The following METTL21A variants were observed in gnomAD, a reference collection of about 807,000 sequenced individuals.
METTL21A encodes protein N-lysine methyltransferase METTL21A.
A neutral mutation model predicts 20.9 loss-of-function variants in METTL21A; 22 were observed. The observed-to-expected ratio is 1.05, with a 90% CI of 0.75 to 1.50. The LOEUF is 1.50. Among genes scored for constraint, METTL21A ranks in the 40% most tolerant of loss-of-function variants. METTL21A has a pLI of 0.00. For synonymous variants in METTL21A, 93 were observed against 102.0 expected (o/e 0.91, Z 0.53); for missense variants, 271 against 266.8 (o/e 1.02, Z -0.11).
exon 4 of METTL21A, chr2:207,613,181 T>G: frequency 6.2e-7 from 1 of 1,614,076 alleles, no homozygotes; most frequent in Non-Finnish European, 8.5e-7. Context: ...CATAGCGAAT[T>G]CGGCATGCTA....
At chr2:207,609,073 G>A (rs2088561020), downstream of METTL21A, 1 of 152,170 alleles carries the variant, frequency 6.6e-6, no homozygotes. Context: ...CATTTCATGT[G>A]TATTAGAATT....
intron 3 of METTL21A, chr2:207,603,254 G>T (rs2087420309): frequency 4.5e-6 from 1 of 220,826 alleles, no homozygotes. Flanking sequence ...GTACATAATA[G>T]CTGCTTTGTG....
intron 3 of METTL21A, chr2:207,602,919 C>A: frequency 4.6e-6 from 1 of 216,112 alleles, no homozygotes; most frequent in Non-Finnish European, 9.3e-6. Context: ...TTATTTCTAA[C>A]CCAGATGTAT....
intron 3 of METTL21A, among the ~76,000 whole-genome samples, chr2:207,593,250 G>A (rs2085430611): frequency 6.6e-6 from 1 of 152,174 alleles, no homozygotes; most frequent in Non-Finnish European, 1.5e-5. Flanking sequence ...TCAAGGCTGG[G>A]TGCGGTGGCT....
intron 3 of METTL21A, chr2:207,598,170 G>C (rs368510478): frequency 5.5e-6 from 1 of 180,776 alleles, no homozygotes. Context: ...TTTTTTAAAT[G>C]AAAGAAGTTG....
intron 3 of METTL21A, among the ~76,000 whole-genome samples, chr2:207,588,728 G>T (rs1311459003): frequency 2.2e-5 from 3 of 134,870 alleles, no homozygotes; most frequent in African/African-American, 8.6e-5. Flanking sequence ...CTGTTTTCTG[G>T]TTTTTTTTTT....
intron 3 of METTL21A, among the ~76,000 whole-genome samples, chr2:207,583,374 TTCTC>T (rs1284598481): frequency 6.6e-6 from 1 of 152,328 alleles, no homozygotes; most frequent in Admixed American, 6.5e-5. Context: ...TGTAACTTCT[TTCTC>T]CGACAGAAAC....
At chr2:207,588,876 C>A (rs932123477) in intron 3 of METTL21A, among the ~76,000 whole-genome samples, 1 of 140,094 alleles carries the variant, frequency 7.1e-6, no homozygotes, top group Admixed American at 7.4e-5. Flanking sequence ...CTTATTAGTT[C>A]TAGGAGCTTT....
chr2:207,591,301 T>C (rs2084978788), intron 3 of METTL21A, among the ~76,000 whole-genome samples: 1 of 152,254 alleles, frequency 6.6e-6, no homozygotes, highest in Admixed American at 6.5e-5. Flanking sequence ...ATCTTCCATT[T>C]AGAATTATGT....
intron 3 of METTL21A, chr2:207,602,986 CT>C: frequency 4.7e-6 from 1 of 214,180 alleles, no homozygotes; most frequent in East Asian, 6.9e-5. Context: ...AGGTGTTTGG[CT>C]TTTTGGTTTT....
chr2:207,604,741 C>T (rs926224381), downstream of METTL21A, among the ~76,000 whole-genome samples: 3 of 152,200 alleles, frequency 2.0e-5, no homozygotes, highest in African/African-American at 7.2e-5. Context: ...TCTCCATTTT[C>T]TCCTCCCACC....
chr2:207,594,454 C>T (rs563406398), intron 3 of METTL21A, among the ~76,000 whole-genome samples: 1 of 152,234 alleles, frequency 6.6e-6, no homozygotes, highest in African/African-American at 2.4e-5. Flanking sequence ...CTTTAGATGC[C>T]TCATAAGAGA....
chr2:207,588,719 T>C (rs2084351414), intron 3 of METTL21A, among the ~76,000 whole-genome samples: 1 of 89,434 alleles, frequency 1.1e-5, no homozygotes, highest in Non-Finnish European at 2.4e-5. Flanking sequence ...AAGTATGAAC[T>C]GTTTTCTGGT....
At chr2:207,582,084 G>A in exon 4 of METTL21A, 1 of 702,460 alleles carries the variant, frequency 1.4e-6, no homozygotes, top group Non-Finnish European at 2.6e-6. Flanking sequence ...GTGCTGTCCA[G>A]GTGTCTCCAC....
exon 4 of METTL21A, chr2:207,613,305 G>C (rs1165625226): frequency 2.5e-6 from 4 of 1,614,092 alleles, no homozygotes; most frequent in Admixed American, 1.7e-5. Context: ...TTCTCCAGGA[G>C]AAAAACTCCC....
chr2:207,587,318 G>A (rs1362880449), intron 3 of METTL21A, among the ~76,000 whole-genome samples: 5 of 151,614 alleles, frequency 3.3e-5, no homozygotes, highest in South Asian at 2.1e-4. Context: ...GCGTGAACCC[G>A]GAAGGCAGAG....
chr2:207,619,574 GGTGT>G (rs2090223002), intron 3 of METTL21A, among the ~76,000 whole-genome samples: 1 of 152,054 alleles, frequency 6.6e-6, no homozygotes, highest in Non-Finnish European at 1.5e-5. Flanking sequence ...CATTTGTATA[GGTGT>G]GTGTATACGG....
intron 3 of METTL21A, chr2:207,597,481 A>C (rs1014218989): frequency 4.5e-6 from 1 of 224,500 alleles, no homozygotes; most frequent in Non-Finnish European, 8.9e-6. Flanking sequence ...CCGCATGCAT[A>C]AAGTAAGTAA....
chr2:207,590,597 C>T (rs1279900972), intron 3 of METTL21A, among the ~76,000 whole-genome samples: 1 of 151,914 alleles, frequency 6.6e-6, no homozygotes, highest in East Asian at 1.9e-4. Flanking sequence ...AAAACTTCTG[C>T]AGGTATCTAG....
Sources: allele counts gnomAD v4.1 joint callset (sites outside exome capture counted in the v4.1 genomes callset), GRCh38; gene constraint gnomAD v4.1.1; transcripts MANE v1.5; gene names NCBI Gene and HGNC (gene_info 2026-07-23, HGNC 2026-07-21).